ARID1B: variants seen among roughly 807,000 people sequenced by gnomAD.
The protein encoded by ARID1B is AT-rich interaction domain 1B, also known as AT-rich interactive domain-containing protein 1B.
A neutral mutation model predicts 212.3 loss-of-function variants in ARID1B; 30 were observed. The observed-to-expected ratio is 0.14, with a 90% CI of 0.11 to 0.19. The LOEUF is 0.19. Among genes scored for constraint, ARID1B ranks in the 10% least tolerant of loss-of-function variants. The probability of loss-of-function intolerance (pLI) is 1.00; values close to 1 mark genes in which losing one functional copy is unlikely to be tolerated. For missense variants in ARID1B, 2,891 were observed against 3,204.0 expected (o/e 0.90, Z 2.36); for synonymous variants, 1,402 against 1,301.7 (o/e 1.08, Z -1.66).
At chr6:157,192,918 GT>G (rs1219394465) in intron 15 of ARID1B, among the ~76,000 whole-genome samples, 2 of 152,136 alleles carry the variant, frequency 1.3e-5, no homozygotes, top group Non-Finnish European at 2.9e-5. Flanking sequence ...ACTAACTTCA[GT>G]GGAAAACATA....
chr6:157,039,834 T>TTCTTTCTCTCTCTTTCTCTC (rs200568705), intron 4 of ARID1B, among the ~76,000 whole-genome samples: 3 of 115,724 alleles, frequency 2.6e-5, no homozygotes, highest in South Asian at 2.7e-4. Flanking sequence ...CTTTCTCTCT[T>TTCTTTCTCTCTCTTTCTCTC]TCTTTCTCTC....
chr6:157,067,056 C>T (rs1377317254), intron 4 of ARID1B, among the ~76,000 whole-genome samples: 3 of 152,084 alleles, frequency 2.0e-5, no homozygotes, highest in Non-Finnish European at 4.4e-5. Flanking sequence ...ACTGAGTGGG[C>T]TGTCAGGATA....
intron 4 of ARID1B, among the ~76,000 whole-genome samples, chr6:157,035,344 C>T (rs1475122662): frequency 3.9e-5 from 6 of 152,108 alleles, no homozygotes; most frequent in Admixed American, 3.3e-4. Context: ...AAATGTCATA[C>T]GATGTTCACA....
chr6:156,987,090 A>G (rs1777965683), intron 4 of ARID1B, among the ~76,000 whole-genome samples: 1 of 149,424 alleles, frequency 6.7e-6, no homozygotes, highest in Admixed American at 6.7e-5. Context: ...AGGTGGGAGG[A>G]TGGCTCTAGC....
At chr6:156,954,831 G>A (rs955662638) in intron 4 of ARID1B, among the ~76,000 whole-genome samples, 50 of 152,150 alleles carry the variant, frequency 3.3e-4, no homozygotes, top group African/African-American at 1.2e-3. Context: ...CCCCCACTGT[G>A]TGGTCTCAAG....
At chr6:157,186,370 C>T (rs113430057) in intron 13 of ARID1B, 23,619 of 466,958 alleles carry the variant, frequency 0.051, 1,266 homozygotes, top group African/African-American at 0.21. Context: ...CAGATGGAGC[C>T]GAGGGCCTGT....
chr6:156,828,914 T>C (rs112664325), intron 1 of ARID1B, among the ~76,000 whole-genome samples: 7 of 152,358 alleles, frequency 4.6e-5, no homozygotes, highest in African/African-American at 1.7e-4. Context: ...TATCATGCTC[T>C]TTTCCTGTAC....
intron 2 of ARID1B, among the ~76,000 whole-genome samples, chr6:156,858,164 G>GC (rs1785079985): frequency 1.3e-5 from 2 of 151,088 alleles, no homozygotes; most frequent in African/African-American, 4.9e-5. Context: ...ATAGATGGGA[G>GC]CTAAAAAAAA....
At chr6:157,121,916 C>T (rs1179655779) in intron 6 of ARID1B, among the ~76,000 whole-genome samples, 1 of 152,210 alleles carries the variant, frequency 6.6e-6, no homozygotes, top group Admixed American at 6.5e-5. Context: ...GCGTGAGCCT[C>T]TGTGCCTGGC....
At chr6:157,088,860 A>G (rs1051949624) in intron 5 of ARID1B, among the ~76,000 whole-genome samples, 1 of 152,202 alleles carries the variant, frequency 6.6e-6, no homozygotes, top group African/African-American at 2.4e-5. Context: ...CATGCCATGT[A>G]GAGACGACAT....
chr6:156,927,779 T>C (rs1216347073), intron 3 of ARID1B, among the ~76,000 whole-genome samples: 1 of 152,212 alleles, frequency 6.6e-6, no homozygotes, highest in African/African-American at 2.4e-5. Flanking sequence ...AAGTATAAGC[T>C]CCTAGAAACC....
At chr6:157,082,317 G>C (rs761818095) in intron 4 of ARID1B, among the ~76,000 whole-genome samples, 3 of 152,090 alleles carry the variant, frequency 2.0e-5, no homozygotes, top group Non-Finnish European at 4.4e-5. Context: ...AGCTTTTTCC[G>C]TTAAGGGCCA....
intron 4 of ARID1B, among the ~76,000 whole-genome samples, chr6:156,981,545 A>G (rs1346529117): frequency 1.3e-5 from 2 of 152,130 alleles, no homozygotes; most frequent in Non-Finnish European, 2.9e-5. Flanking sequence ...ATTGCTATAT[A>G]TTATCTTTTA....
At chr6:156,811,311 A>G (rs1005038893) in intron 1 of ARID1B, among the ~76,000 whole-genome samples, 4 of 152,144 alleles carry the variant, frequency 2.6e-5, no homozygotes, top group African/African-American at 4.8e-5. Context: ...CCCGTACTCA[A>G]GAGGAGAGGA....
intron 1 of ARID1B, among the ~76,000 whole-genome samples, chr6:156,785,810 A>C (rs1245606784): frequency 1.3e-5 from 2 of 152,336 alleles, no homozygotes; most frequent in East Asian, 3.9e-4. Flanking sequence ...TTCCGCAGAC[A>C]TTCCATCAGG....
intron 3 of ARID1B, among the ~76,000 whole-genome samples, chr6:156,905,773 T>A (rs1353078349): frequency 6.6e-6 from 1 of 152,258 alleles, no homozygotes; most frequent in Non-Finnish European, 1.5e-5. Flanking sequence ...GTTGGTTTTC[T>A]TTTTCCTTTT....
chr6:156,951,850 C>A (rs562511904), intron 4 of ARID1B, among the ~76,000 whole-genome samples: 1 of 152,154 alleles, frequency 6.6e-6, no homozygotes, highest in South Asian at 2.1e-4. Flanking sequence ...AATAATGAGT[C>A]CAAAATATGA....
intron 4 of ARID1B, among the ~76,000 whole-genome samples, chr6:156,994,237 G>C (rs1583101360): frequency 1.3e-5 from 2 of 152,298 alleles, no homozygotes; most frequent in South Asian, 4.1e-4. Flanking sequence ...GTAGATCCTT[G>C]AACTCTGTTT....
intron 2 of ARID1B, among the ~76,000 whole-genome samples, chr6:156,871,281 G>C (rs980116444): frequency 1.3e-5 from 2 of 152,216 alleles, no homozygotes; most frequent in Admixed American, 1.3e-4. Context: ...CTCCTAGCTA[G>C]TACAGTGCCT....
Sources: allele counts gnomAD v4.1 joint callset (sites outside exome capture counted in the v4.1 genomes callset), GRCh38; gene constraint gnomAD v4.1.1; transcripts MANE v1.5; gene names NCBI Gene and HGNC (gene_info 2026-07-23, HGNC 2026-07-21).